Variants in TSPEAR observed in about 807,000 individuals in gnomAD.
TSPEAR encodes the protein thrombospondin type laminin G domain and EAR repeats, also known as thrombospondin-type laminin G domain and EAR repeat-containing protein.
A neutral mutation model predicts 71.6 loss-of-function variants in TSPEAR; 69 were observed. The observed-to-expected ratio is 0.96, with a 90% CI of 0.79 to 1.18. TSPEAR has a LOEUF of 1.18. TSPEAR is among the 50% of genes most tolerant of loss of function. The pLI is 0.00. For missense variants in TSPEAR, 971 were observed against 894.9 expected (o/e 1.09, Z -1.09); for synonymous variants, 402 against 387.2 (o/e 1.04, Z -0.45).
At chr21:44,574,599 T>A (rs782513789) in intron 1 of TSPEAR, 1 of 1,301,046 alleles carries the variant, frequency 7.7e-7, no homozygotes, top group South Asian at 1.7e-5. Context: ...GCCTGTGTGC[T>A]GCAAGCCTGT....
chr21:44,591,837 T>C lies in TSPEAR; in HGVS notation c.83-23832A>G, dbSNP rs587693578. 9,051 of 1,586,306 alleles carry C rather than the reference T, an allele frequency of 5.7e-3. 981 individuals are homozygous for C. The African/African-American group carries it at 0.12, about 22-fold the overall frequency. ...GGCAGGGGGAGGAGGTGCAGCAAGT[T>C]GGCTGGCAGCTAGACTGCTGGCAGC... is the stretch of plus-strand genomic sequence containing the variant. On this transcript the variant is annotated intron_variant, in intron 1 of 11. Transcript: ENST00000323084.
rs201812328 is a variant in TSPEAR, at chr21:44,588,696, AT to A, written c.83-20692del. Among the ~76,000 whole-genome samples the A allele has an allele frequency of 9.3e-5, 3 of 32,368 alleles. No individual in the cohort carries two copies. In the East Asian group the frequency reaches 1.5e-3, roughly 16 times the overall value. The allele number at this position is 32,368 out of a possible 152,430, so 21.2% of individuals were successfully genotyped here. On this transcript the variant is annotated intron_variant, in intron 1 of 11. Transcript: ENST00000323084. ...ATAATATATATATATTTATTTATAT[AT>A]TTATATATATAAACTGATATATATG...
chr21:44,542,163 T>C (rs2053232743), intron 2 of TSPEAR, among the ~76,000 whole-genome samples: 1 of 152,110 alleles, frequency 6.6e-6, no homozygotes, highest in African/African-American at 2.4e-5. Flanking sequence ...AAGAACACAA[T>C]AGCTGAAATT....
rs964946023 is a variant in TSPEAR, at chr21:44,711,044, G to T, written c.82+389C>A. Among the ~76,000 whole-genome samples, 1 of 152,192 alleles carries T rather than the reference G, an allele frequency of 6.6e-6. No homozygotes were observed. Among genetic ancestry groups the T allele is most frequent in the Non-Finnish European group, 1.5e-5 (1 of 68,022 alleles). The stretch of plus-strand genomic sequence containing the variant: ...GCTGGGGGCACCTCCACCAGCTAAG[G>T]AAATGGCTCGTGCACAGTAGCCTCC... On this transcript the variant is annotated intron_variant, in intron 1 of 11. Coordinates refer to ENST00000323084, the MANE Select transcript of TSPEAR (RefSeq NM_144991.3). This position sits in a 1 kb window ranked among gnomAD's most constrained non-coding sequence, Gnocchi z 4.5.
At chr21:44,639,119 G>A (rs1555937977) in intron 1 of TSPEAR, among the ~76,000 whole-genome samples, 1 of 152,110 alleles carries the variant, frequency 6.6e-6, no homozygotes, top group African/African-American at 2.4e-5. Context: ...TGCCCCATGC[G>A]GCCTCACCTA....
chr21:44,579,501 C>T lies in TSPEAR; in HGVS notation c.83-11496G>A, dbSNP rs1978720903. On this transcript the variant is annotated intron_variant, in intron 1 of 11. Coordinates refer to ENST00000323084, the MANE Select transcript of TSPEAR (RefSeq NM_144991.3). The stretch of plus-strand genomic sequence containing the variant: ...ATTGGGGAGCAGGAGGAGGTGCTGA[C>T]AGGTTCAAGTCGAGGCCAAGTGACA... 1.2e-5 allele frequency: 7 copies of T among 562,754 alleles called. No individual in the cohort carries two copies. In the South Asian group the frequency reaches 1.4e-4, roughly 11 times the overall value. The allele number at this position is 562,754 out of a possible 1,614,324, so 34.9% of individuals were successfully genotyped here. A position where few individuals can be genotyped will look rare whatever the true frequency, so the allele number is the denominator to read the frequency against.
Position 44,546,051 on chromosome 21 carries a change from T to C in TSPEAR, c.304-12128A>G, listed in dbSNP as rs2053298979. On this transcript the variant is annotated intron_variant, in intron 2 of 11. Coordinates refer to ENST00000323084, the MANE Select transcript of TSPEAR (RefSeq NM_144991.3). This position sits in a 1 kb window ranked among gnomAD's most constrained non-coding sequence, Gnocchi z 4.4. Reference sequence around the variant, plus strand: ...ACAAATATTTATCTAGATTAAAAGATGACAGATTCAAATAATTAAAATCGT... The same window carrying C: ...ACAAATATTTATCTAGATTAAAAGACGACAGATTCAAATAATTAAAATCGT... Among the ~76,000 whole-genome samples the C allele has an allele frequency of 6.6e-6, 1 of 152,202 alleles. No individual in the cohort carries two copies. Among genetic ancestry groups the C allele is most frequent in the South Asian group, 2.1e-4 (1 of 4,830 alleles).
chr21:44,516,796 T>G (rs1488884329), intron 9 of TSPEAR, among the ~76,000 whole-genome samples: 8 of 152,026 alleles, frequency 5.3e-5, no homozygotes, highest in African/African-American at 1.9e-4. Flanking sequence ...ACCTGCTTCG[T>G]CCTTGGACCT....
rs1985293697 is a variant in TSPEAR, at chr21:44,658,357, A to G, written c.82+53076T>C. On this transcript the variant is annotated intron_variant, in intron 1 of 11. Coordinates refer to ENST00000323084, the MANE Select transcript of TSPEAR (RefSeq NM_144991.3). ...GACCCCCAGATTGCACACATAGGGC[A>G]GATGAAAAGCATGCCCAAGGAAACC... is the stretch of plus-strand genomic sequence containing the variant. The G allele has an allele frequency of 6.8e-6, 9 of 1,316,190 alleles. No individual in the cohort carries two copies. The South Asian group carries it at 9.4e-5, about 14-fold the overall frequency. The allele number at this position is 1,316,190 out of a possible 1,614,324, so 81.5% of individuals were successfully genotyped here.
At chr21:44,543,856 GT>G (rs1317117865) in intron 2 of TSPEAR, among the ~76,000 whole-genome samples, 1 of 152,164 alleles carries the variant, frequency 6.6e-6, no homozygotes, top group Non-Finnish European at 1.5e-5. Flanking sequence ...ATTTTCCATT[GT>G]TTCCAGTCAC....
chr21:44,569,272 T>A (rs1251706015), intron 1 of TSPEAR, among the ~76,000 whole-genome samples: 4 of 152,102 alleles, frequency 2.6e-5, no homozygotes, highest in African/African-American at 9.7e-5. Context: ...ACGCAGGGTG[T>A]GATGGGCACT....
At chr21:44,677,259 T>C in intron 1 of TSPEAR, 1 of 728,220 alleles carries the variant, frequency 1.4e-6, no homozygotes, top group Non-Finnish European at 2.5e-6. Context: ...GGCAGCTTCA[T>C]CTACTGCCTT....
intron 9 of TSPEAR, among the ~76,000 whole-genome samples, chr21:44,514,362 G>A (rs1270222756): frequency 6.6e-6 from 1 of 152,176 alleles, no homozygotes; most frequent in African/African-American, 2.4e-5. Context: ...CCATGGAAGC[G>A]AGTACACACA....
chr21:44,689,330 G>A (rs1383262205), intron 1 of TSPEAR, among the ~76,000 whole-genome samples: 2 of 151,786 alleles, frequency 1.3e-5, no homozygotes, highest in Non-Finnish European at 2.9e-5. Context: ...GTGAAACCCC[G>A]TCTCTACTAA....
At chr21:44,514,605 ATT>A (rs782603958) in intron 9 of TSPEAR, among the ~76,000 whole-genome samples, 6 of 152,260 alleles carry the variant, frequency 3.9e-5, no homozygotes, top group East Asian at 1.9e-4. Flanking sequence ...AGCCAAACCT[ATT>A]TTGGAGTCCA....
At chr21:44,591,283 G>A in intron 1 of TSPEAR, 1 of 1,482,354 alleles carries the variant, frequency 6.7e-7, no homozygotes, top group African/African-American at 1.4e-5. Context: ...CAAAGAGCCT[G>A]CCCCATCTTC....
chr21:44,627,911 T>C (rs1464826587), intron 1 of TSPEAR: 1 of 1,520,036 alleles, frequency 6.6e-7, no homozygotes, highest in Non-Finnish European at 8.9e-7. Flanking sequence ...TGCGTGCCCG[T>C]CTCCTCCTGC....
chr21:44,580,490 G>T (rs149326833), intron 1 of TSPEAR: 56,741 of 1,613,348 alleles, frequency 0.035, 1,122 homozygotes, highest in Non-Finnish European at 0.041. Context: ...GGTGCCGCAG[G>T]GGGGCTCACA....
intron 1 of TSPEAR, chr21:44,591,713 G>T (rs373818776): frequency 6.3e-7 from 1 of 1,584,184 alleles, no homozygotes; most frequent in South Asian, 1.1e-5. Context: ...CAGCAAGCTG[G>T]CTGGCAGCTA....
Sources: gnomAD v4.1 joint callset for allele counts (sites outside exome capture counted in the v4.1 genomes callset) on GRCh38, gnomAD v4.1.1 for gene constraint, Gnocchi (gnomAD v3.1) non-coding constraint, MANE v1.5 for transcripts, NCBI Gene and HGNC (gene_info 2026-07-23, HGNC 2026-07-21) for gene names.